EXD3: variants seen among roughly 807,000 people sequenced by gnomAD.
EXD3 encodes the protein exonuclease 3'-5' domain containing 3.
EXD3 carries 92 observed loss-of-function variants against 98.0 expected under a neutral mutation model. The ratio of observed to expected loss-of-function variants is 0.94; its 90% confidence interval spans 0.79 to 1.12. EXD3 has a LOEUF of 1.12. Among genes scored for constraint, EXD3 ranks in the 50% most tolerant of loss-of-function variants. The pLI, the probability that EXD3 is intolerant of heterozygous loss-of-function variation, is 0.00. For missense variants in EXD3, 1,222 were observed against 1,191.6 expected, an observed-to-expected ratio of 1.03 and a Z score of -0.38; for synonymous variants, 569 against 526.0, an observed-to-expected ratio of 1.08 and a Z score of -1.12.
intron 1 of EXD3, among the ~76,000 whole-genome samples, 153 bp downstream of exon 1, chr9:137,422,961 G>A (rs1003703665): frequency 3.9e-5 from 6 of 152,096 alleles, no homozygotes; most frequent in Middle Eastern, 3.4e-3. Flanking sequence ...GCCCCATCGG[G>A]GCCTCAGTTT....
At chr9:137,413,149 T>G (rs898470711) in intron 1 of EXD3, among the ~76,000 whole-genome samples, 2 of 152,046 alleles carry the variant, frequency 1.3e-5, no homozygotes, top group African/African-American at 4.8e-5. Flanking sequence ...AAGTTACAAC[T>G]CGGTGTTTTC....
intron 17 of EXD3, among the ~76,000 whole-genome samples, chr9:137,327,338 T>A (rs1402762386): frequency 1.3e-5 from 2 of 152,122 alleles, no homozygotes; most frequent in East Asian, 1.9e-4. Flanking sequence ...TTTCACTATG[T>A]TAGCCAGGAT....
intron 1 of EXD3, among the ~76,000 whole-genome samples, chr9:137,402,069 G>A (rs908419817): frequency 3.3e-5 from 5 of 152,180 alleles, no homozygotes; most frequent in Non-Finnish European, 7.3e-5. Context: ...AGACTGGAGT[G>A]CAGTGGTGTG....
At chr9:137,416,865 A>T (rs1838255217) in intron 1 of EXD3, among the ~76,000 whole-genome samples, 1 of 152,290 alleles carries the variant, frequency 6.6e-6, no homozygotes, top group South Asian at 2.1e-4. Flanking sequence ...CTGGAGCAGA[A>T]GGGAGCAGGC....
intron 1 of EXD3, among the ~76,000 whole-genome samples, chr9:137,418,768 G>GA (rs56729101): frequency 6.2e-3 from 881 of 142,494 alleles, no homozygotes; most frequent in Non-Finnish European, 8.5e-3. Context: ...TGAGTAAACA[G>GA]AAAAAAAAAA....
At chr9:137,372,876 C>T (rs1426256339) in intron 5 of EXD3, 29 bp downstream of exon 5, 1 of 1,595,402 alleles carries the variant, frequency 6.3e-7, no homozygotes, top group South Asian at 1.1e-5. Flanking sequence ...AGCCGTTTCC[C>T]CATGAGCCCG....
At chr9:137,355,936 G>A (rs1834759833) in intron 8 of EXD3, among the ~76,000 whole-genome samples, 1 of 152,098 alleles carries the variant, frequency 6.6e-6, no homozygotes. Context: ...TGTCCAGAGG[G>A]GCCTGGGAGG....
At chr9:137,318,637 G>T (rs932736233) in intron 19 of EXD3, among the ~76,000 whole-genome samples, 7 of 152,130 alleles carry the variant, frequency 4.6e-5, no homozygotes, top group African/African-American at 1.7e-4. Flanking sequence ...GCCCCAGAGG[G>T]CACGGCCCTG....
intron 17 of EXD3, among the ~76,000 whole-genome samples, chr9:137,332,318 A>G (rs112254037): frequency 0.17 from 25,735 of 152,042 alleles, 3,217 homozygotes; most frequent in African/African-American, 0.35. Context: ...GGCCGGGCGC[A>G]GTGGCTCACG....
At position 137,409,092 on chromosome 9, in the gene EXD3, C is replaced by T. The variant is rs933473283; in HGVS notation, c.-47-13688G>A. On this transcript the variant is annotated intron_variant, in intron 1 of 21. Transcript: ENST00000340951. ...GGCGTTTCAAGGTGGGGCCTTGGGA[C>T]GTGCCCGGGGGGTGAGGATCCTGCC... 5.3e-5 allele frequency among the ~76,000 whole-genome samples: 8 copies of T among 152,334 alleles called. No homozygotes were observed. The East Asian group carries it at 1.4e-3, about 26-fold the overall frequency.
Position 137,349,259 on chromosome 9 carries a change from C to T in EXD3, c.1681G>A (p.Glu561Lys). ...YAAADAYCLL[E>K]VHQALCREPA... ...TCTCTGCACAGGGCTTGGTGCACCT[C>T]CAGCAGGCAGTAGGCGTCGGCAGCT... The change falls in exon 16 of 22, where the codon GAG (glutamate) becomes AAG (lysine). Residue 561 changes from glutamate (E) to lysine (K), a missense_variant. Coordinates refer to ENST00000340951, the MANE Select transcript of EXD3 (RefSeq NM_017820.5). This position sits in a 1 kb window ranked among gnomAD's most constrained non-coding sequence, Gnocchi z 7.4. The T allele has an allele frequency of 6.4e-7, 1 of 1,572,456 alleles. No individual in the cohort carries two copies. The highest frequency in any genetic ancestry group is 1.1e-5 in the South Asian group (1 of 87,086).
chr9:137,349,210 T>A lies in EXD3; in HGVS notation c.1730A>T (p.Glu577Val). ...CREPARFHLS[E>V]DLAGSRRPRH... ...GGGCCTCCGGCTCCCAGCCAGGTCC[T>A]CCGACAGGTGGAAGCGGGCGGGCTC... The change falls in exon 16 of 22, where the codon GAG becomes GTG. Residue 577 changes from glutamate to valine, a missense_variant. Physicochemically the swap from Glu to Val is moderately radical, Grantham distance 121. Coordinates refer to ENST00000340951, the MANE Select transcript of EXD3 (RefSeq NM_017820.5). The surrounding 1 kb of genome is among the most constrained non-coding windows in gnomAD (Gnocchi z 7.4). 1 of 1,583,772 alleles carries A rather than the reference T, an allele frequency of 6.3e-7. No individual in the cohort carries two copies. The highest frequency in any genetic ancestry group is 8.5e-7 in the Non-Finnish European group (1 of 1,171,224).
rs1588428489 is a variant in EXD3, at chr9:137,403,084, T to C, written c.-47-7680A>G. Among the ~76,000 whole-genome samples, 1 of 152,030 alleles carries C rather than the reference T, an allele frequency of 6.6e-6. No homozygotes were observed. ...TGGGTGAGGACACAGCCAAAGCATA[T>C]CACCCGCCACGGGAGACCCTGTGGC... On this transcript the variant is annotated intron_variant, in intron 1 of 21. Transcript: ENST00000340951. This position sits in a 1 kb window ranked among gnomAD's most constrained non-coding sequence, Gnocchi z 6.1.
At chr9:137,384,327 A>G (rs886703236) in intron 2 of EXD3, among the ~76,000 whole-genome samples, 1 of 152,262 alleles carries the variant, frequency 6.6e-6, no homozygotes, top group Non-Finnish European at 1.5e-5. Flanking sequence ...CTGACTTAAC[A>G]GGAGAGTCCA....
chr9:137,376,917 G>A (rs1835933919), intron 3 of EXD3, among the ~76,000 whole-genome samples: 1 of 118,278 alleles, frequency 8.5e-6, no homozygotes, highest in Non-Finnish European at 1.6e-5. Flanking sequence ...CGACAAGAGA[G>A]AATCTCCATC....
chr9:137,306,991 C>T lies in EXD3; in HGVS notation c.2590G>A (p.Glu864Lys), dbSNP rs752477082. Residue 864 changes from glutamate to lysine, a missense_variant, in exon 22 of 22, where the codon GAG (glutamate) becomes AAG (lysine). Glu to Lys is a moderately conservative substitution (Grantham distance 56). Transcript: ENST00000340951. ...GCCGGGCTGGGGGCTGGGCTCGGCT[C>T]GCAGGGGCTGGGGGCGCTCTCCAGC... is the stretch of plus-strand genomic sequence containing the variant. The part of the protein sequence containing the change: ...DMLESAPSPC[E>K]PSPAPSPASS... The T allele has an allele frequency of 1.1e-5, 17 of 1,604,812 alleles. No individual in the cohort carries two copies. The African/African-American group carries it at 1.1e-4, about 10-fold the overall frequency.
intron 17 of EXD3, among the ~76,000 whole-genome samples, chr9:137,329,707 C>G (rs372305417): frequency 2.9e-5 from 2 of 70,172 alleles, no homozygotes; most frequent in South Asian, 5.3e-4. Context: ...CTACACGGGA[C>G]TACACGGGAC....
At chr9:137,373,217 G>A in intron 4 of EXD3, 145 bp from the exon 5 acceptor site, 1 of 1,152,954 alleles carries the variant, frequency 8.7e-7, no homozygotes, top group African/African-American at 1.5e-5. Flanking sequence ...CTGGGGCACG[G>A]GAGGGGCGAG....
At chr9:137,355,526 ATG>A (rs1399267368) in intron 8 of EXD3, among the ~76,000 whole-genome samples, 2 of 61,820 alleles carry the variant, frequency 3.2e-5, no homozygotes, top group African/African-American at 1.0e-4. Flanking sequence ...AGGAAGGAGG[ATG>A]GAGGAAGGAG....
Sources: allele counts gnomAD v4.1 joint callset (sites outside exome capture counted in the v4.1 genomes callset), GRCh38; gene constraint gnomAD v4.1.1; non-coding constraint Gnocchi (gnomAD v3.1); transcripts MANE v1.5; gene names NCBI Gene and HGNC (gene_info 2026-07-23, HGNC 2026-07-21).